The following CDH12 variants were observed in gnomAD, a reference collection of about 807,000 sequenced individuals.
CDH12 encodes the protein cadherin-12.
In CDH12, 41 loss-of-function variants were observed where a neutral mutation model predicts 74.1. That is an observed-to-expected ratio of 0.55 (90% CI 0.43 to 0.72). The LOEUF (loss-of-function observed/expected upper bound fraction) is 0.72. CDH12 is among the 30% of genes least tolerant of loss of function. The pLI is 0.00. For synonymous variants in CDH12, 399 were observed against 355.0 expected, an observed-to-expected ratio of 1.12 and a Z score of -1.39; for missense variants, 945 against 977.2, an observed-to-expected ratio of 0.97 and a Z score of 0.44.
intron 6 of CDH12, among the ~76,000 whole-genome samples, chr5:21,900,336 T>G (rs1753327034): frequency 6.6e-6 from 1 of 152,162 alleles, no homozygotes; most frequent in African/African-American, 2.4e-5. Flanking sequence ...AAGTAAACAA[T>G]ACGTTATTAT....
chr5:21,994,458 G>T (rs1288018366), intron 5 of CDH12, among the ~76,000 whole-genome samples: 1 of 152,030 alleles, frequency 6.6e-6, no homozygotes, highest in Non-Finnish European at 1.5e-5. Context: ...ACAATATTCG[G>T]CCTAAGTGAC....
In CDH12 at chr5:22,753,626, A is replaced by C. The variant is rs113945166; in HGVS notation, c.-523+99432T>G. Reference sequence around the variant, plus strand: ...ATGGAAGGGGAAGAAGTATGGAAAGAATTTAAACTCTCAGTTGGAAGCATA... The same window carrying C: ...ATGGAAGGGGAAGAAGTATGGAAAGCATTTAAACTCTCAGTTGGAAGCATA... On this transcript the variant is annotated intron_variant, in intron 1 of 14. Transcript: ENST00000382254. Among the ~76,000 whole-genome samples the C allele has an allele frequency of 6.1e-3, 923 of 150,664 alleles. 6 individuals are homozygous for C. Among genetic ancestry groups the C allele is most frequent in the Middle Eastern group, 0.027 (8 of 294 alleles).
At chr5:22,773,609 C>T (rs1746929226) in intron 1 of CDH12, among the ~76,000 whole-genome samples, 1 of 151,952 alleles carries the variant, frequency 6.6e-6, no homozygotes, top group Admixed American at 6.6e-5. Context: ...CATGACTATT[C>T]CTCAAAAGCA....
At chr5:21,972,065 T>C (rs986600291) in intron 6 of CDH12, among the ~76,000 whole-genome samples, 4 of 152,184 alleles carry the variant, frequency 2.6e-5, no homozygotes, top group African/African-American at 9.7e-5. Flanking sequence ...TTCTTTGTAA[T>C]GTTCACTTTA....
At chr5:22,702,950 TC>T (rs1243991609) in intron 1 of CDH12, among the ~76,000 whole-genome samples, 3 of 152,122 alleles carry the variant, frequency 2.0e-5, no homozygotes, top group African/African-American at 7.2e-5. Context: ...GTCTTTTTCC[TC>T]TCATTTCTCC....
chr5:21,892,495 A>G (rs544326999), intron 6 of CDH12, among the ~76,000 whole-genome samples: 1 of 152,296 alleles, frequency 6.6e-6, no homozygotes, highest in South Asian at 2.1e-4. Flanking sequence ...TACTTAGGCC[A>G]GAGATTAATT....
chr5:22,788,984 C>T (rs1279532868), intron 1 of CDH12, among the ~76,000 whole-genome samples: 1 of 151,732 alleles, frequency 6.6e-6, no homozygotes, highest in Non-Finnish European at 1.5e-5. Context: ...TTCAAAAAAA[C>T]TTTAAATTAG....
At chr5:22,223,317 A>G (rs377522517) in intron 3 of CDH12, among the ~76,000 whole-genome samples, 26 of 152,144 alleles carry the variant, frequency 1.7e-4, no homozygotes, top group African/African-American at 5.5e-4. Context: ...GTTGCTCTAT[A>G]ATGAGAGCTG....
At chr5:22,057,244 C>A (rs1740805355) in intron 5 of CDH12, among the ~76,000 whole-genome samples, 1 of 152,106 alleles carries the variant, frequency 6.6e-6, no homozygotes, top group South Asian at 2.1e-4. Flanking sequence ...CAAAAAGAGG[C>A]AGCAGGCTGA....
chr5:21,901,999 G>A (rs1037317345), intron 6 of CDH12, among the ~76,000 whole-genome samples: 1 of 152,108 alleles, frequency 6.6e-6, no homozygotes, highest in Non-Finnish European at 1.5e-5. Flanking sequence ...TAATCGTCAT[G>A]TACTGCTCAC....
chr5:22,533,872 AC>A, intron 1 of CDH12, among the ~76,000 whole-genome samples: 1 of 152,214 alleles, frequency 6.6e-6, no homozygotes, highest in East Asian at 1.9e-4. Context: ...TCAAAAATAT[AC>A]ACAGACATAA....
At chr5:22,581,323 A>G (rs1740092794) in intron 1 of CDH12, among the ~76,000 whole-genome samples, 1 of 152,234 alleles carries the variant, frequency 6.6e-6, no homozygotes, top group Non-Finnish European at 1.5e-5. Context: ...AAAGGGGCCA[A>G]TATAGAGCTT....
intron 2 of CDH12, among the ~76,000 whole-genome samples, chr5:22,429,090 C>A (rs549740087): frequency 6.6e-6 from 1 of 150,448 alleles, no homozygotes; most frequent in Non-Finnish European, 1.5e-5. Flanking sequence ...CAGTTAATAT[C>A]CCACTTTTAT....
At chr5:22,234,590 T>A (rs1419551059) in intron 3 of CDH12, among the ~76,000 whole-genome samples, 6 of 150,678 alleles carry the variant, frequency 4.0e-5, no homozygotes, top group Non-Finnish European at 8.9e-5. Flanking sequence ...TTGCTTTTTT[T>A]TTTTTCAGCA....
chr5:21,785,660 T>C (rs1351910897), intron 10 of CDH12, among the ~76,000 whole-genome samples: 1 of 152,212 alleles, frequency 6.6e-6, no homozygotes, highest in African/African-American at 2.4e-5. Flanking sequence ...AATATAGCCC[T>C]AGCTGTCTTC....
At chr5:21,816,624 CAA>C (rs542222336) in intron 9 of CDH12, among the ~76,000 whole-genome samples, 7 of 17,952 alleles carry the variant, frequency 3.9e-4, no homozygotes, top group East Asian at 3.4e-3. Flanking sequence ...AACTCCATCT[CAA>C]AAAAAAAAAA....
At chr5:21,934,154 T>G (rs542458668) in intron 6 of CDH12, among the ~76,000 whole-genome samples, 2 of 152,104 alleles carry the variant, frequency 1.3e-5, no homozygotes, top group South Asian at 4.2e-4. Flanking sequence ...ATTTAAGTGG[T>G]TTGGGTCTGT....
Position 22,711,520 on chromosome 5 carries a change from A to C in CDH12, c.-523+141538T>G, listed in dbSNP as rs531536102. 9.9e-5 allele frequency among the ~76,000 whole-genome samples: 15 copies of C among 152,208 alleles called. No individual in the cohort carries two copies. The South Asian group carries it at 2.7e-3, about 27-fold the overall frequency. On this transcript the variant is annotated intron_variant, in intron 1 of 14. Coordinates refer to ENST00000382254, the MANE Select transcript of CDH12 (RefSeq NM_004061.5). Reference sequence around the variant, plus strand: ...GAAAACAAACAGCAATTATAGTTTTACTTGTTTTTGTTCTTAAGTATCCTG... The same window carrying C: ...GAAAACAAACAGCAATTATAGTTTTCCTTGTTTTTGTTCTTAAGTATCCTG...
At chr5:22,310,459 T>G (rs1738338026) in intron 3 of CDH12, among the ~76,000 whole-genome samples, 2 of 89,150 alleles carry the variant, frequency 2.2e-5, no homozygotes, top group South Asian at 6.8e-4. Flanking sequence ...TGAGACTCTG[T>G]CTCAAAAAAA....
Sources: allele counts gnomAD v4.1 joint callset (sites outside exome capture counted in the v4.1 genomes callset), GRCh38; gene constraint gnomAD v4.1.1; transcripts MANE v1.5; gene names NCBI Gene and HGNC (gene_info 2026-07-23, HGNC 2026-07-21).